RGS9: variants seen among roughly 807,000 people sequenced by gnomAD.
RGS9 encodes regulator of G protein signaling 9.
A neutral mutation model predicts 102.0 loss-of-function variants in RGS9; 78 were observed. The ratio of observed to expected loss-of-function variants is 0.76; its 90% CI spans 0.64 to 0.92. RGS9 has a LOEUF of 0.92. RGS9 is among the 40% of genes least tolerant of loss of function. RGS9 has a pLI of 0.00. For missense variants in RGS9, 833 were observed against 866.1 expected (o/e 0.96, Z 0.48); for synonymous variants, 353 against 318.6 (o/e 1.11, Z -1.15).
rs1912584945 is a variant in RGS9, at chr17:65,196,349, T to C, written c.861-777T>C. On this transcript the variant is annotated intron_variant, in intron 12 of 18. Transcript: ENST00000262406. ...TGTGCCTGGTTCTGGTCCTAGCTGC[T>C]ACATCAGTGGGAAAAATGGTGTGAG... 2.0e-5 allele frequency among the ~76,000 whole-genome samples: 3 copies of C among 152,236 alleles called. No homozygotes were observed. In the South Asian group the frequency reaches 6.2e-4, roughly 31 times the overall value.
chr17:65,211,153 C>T (rs1913280290), intron 17 of RGS9, among the ~76,000 whole-genome samples: 1 of 152,226 alleles, frequency 6.6e-6, no homozygotes, highest in South Asian at 2.1e-4. Flanking sequence ...TGAAGCTCCT[C>T]ATCCTATCTC....
At chr17:65,215,516 CT>C (rs1160534660) in intron 17 of RGS9, among the ~76,000 whole-genome samples, 2 of 137,448 alleles carry the variant, frequency 1.5e-5, no homozygotes, top group Non-Finnish European at 3.0e-5. Flanking sequence ...TTCTTTCTTT[CT>C]TTCTTTCTTT....
intron 13 of RGS9, among the ~76,000 whole-genome samples, chr17:65,200,156 T>C (rs777925587): frequency 6.6e-6 from 1 of 151,854 alleles, no homozygotes; most frequent in Non-Finnish European, 1.5e-5. Context: ...CTCAGCCTCC[T>C]GAGTAGCTGG....
At chr17:65,192,646 A>G (rs1912416122) in intron 11 of RGS9, among the ~76,000 whole-genome samples, 1 of 152,030 alleles carries the variant, frequency 6.6e-6, no homozygotes, top group Non-Finnish European at 1.5e-5. Flanking sequence ...AATTACAGCT[A>G]GATAGTGTTC....
At chr17:65,189,471 G>A (rs1464389163) in intron 10 of RGS9, among the ~76,000 whole-genome samples, 156 bp downstream of exon 10, 1 of 152,216 alleles carries the variant, frequency 6.6e-6, no homozygotes, top group African/African-American at 2.4e-5. Flanking sequence ...GAGTGACGAA[G>A]CATCTTCTGT....
chr17:65,223,878 G>A lies in RGS9; in HGVS notation c.1408-1124G>A, dbSNP rs530567725. On this transcript the variant is annotated intron_variant, in intron 17 of 18. Transcript: ENST00000262406. ...TGATCCTCCTGCCTCAGCCTCCTGA[G>A]TAGCTGGGATTACAGGCACCCACCA... Among the ~76,000 whole-genome samples, 101 of 151,870 alleles carry A rather than the reference G, an allele frequency of 6.7e-4. 1 individual carries two copies. Among genetic ancestry groups the A allele is most frequent in the South Asian group, 2.3e-3 (11 of 4,810 alleles).
At chr17:65,172,738 C>A (rs1221001431) in intron 8 of RGS9, among the ~76,000 whole-genome samples, 1 of 151,904 alleles carries the variant, frequency 6.6e-6, no homozygotes, top group Non-Finnish European at 1.5e-5. Context: ...GAGTAACAAG[C>A]AGAATGCCAT....
chr17:65,182,496 C>A (rs549705613), intron 9 of RGS9, among the ~76,000 whole-genome samples: 37 of 152,386 alleles, frequency 2.4e-4, no homozygotes, highest in Non-Finnish European at 4.9e-4. Flanking sequence ...AAGCCAGGAT[C>A]TGAACCTCAG....
chr17:65,186,873 C>T (rs1489907462), intron 9 of RGS9, among the ~76,000 whole-genome samples: 1 of 152,160 alleles, frequency 6.6e-6, no homozygotes. Context: ...GTACAGCTCC[C>T]CCTTTGAGCA....
intron 11 of RGS9, among the ~76,000 whole-genome samples, chr17:65,191,284 T>C (rs1912355100): frequency 6.6e-6 from 1 of 152,188 alleles, no homozygotes; most frequent in African/African-American, 2.4e-5. Flanking sequence ...AGGATAGTTC[T>C]TAGACCCAGT....
chr17:65,160,399 G>T lies in RGS9; in HGVS notation c.312+60G>T. 1.9e-6 allele frequency: 3 copies of T among 1,561,640 alleles called. No homozygotes were observed. In the South Asian group the frequency reaches 3.3e-5, roughly 17 times the overall value. On this transcript the variant is annotated intron_variant, in intron 4 of 18. Coordinates refer to ENST00000262406, the MANE Select transcript of RGS9 (RefSeq NM_003835.4). ...GGGTTGATCTCATTTGAAAAGGTGG[G>T]GTTCATAGTTTCACAGATCAAGGAC...
At chr17:65,224,751 T>C (rs1294494060) in intron 17 of RGS9, among the ~76,000 whole-genome samples, 1 of 152,096 alleles carries the variant, frequency 6.6e-6, no homozygotes, top group African/African-American at 2.4e-5. Flanking sequence ...TGTCCCGGGA[T>C]ACAACTGCTT....
At chr17:65,154,771 A>T (rs1056498951) in intron 2 of RGS9, among the ~76,000 whole-genome samples, 48 of 152,276 alleles carry the variant, frequency 3.2e-4, no homozygotes, top group Admixed American at 2.6e-3. Flanking sequence ...CAGTAAAGAC[A>T]ATGTTTCATA....
At chr17:65,197,041 T>C (rs1269510309) in intron 12 of RGS9, 85 bp from the exon 13 acceptor site, 20 of 837,436 alleles carry the variant, frequency 2.4e-5, no homozygotes, top group Non-Finnish European at 2.6e-5. Context: ...CCCTGGGCCA[T>C]GAGACTAAAG....
At chr17:65,144,148 T>C (rs999138217) in intron 1 of RGS9, among the ~76,000 whole-genome samples, 2 of 152,106 alleles carry the variant, frequency 1.3e-5, no homozygotes, top group African/African-American at 4.8e-5. Flanking sequence ...CTGGACTCTG[T>C]GTGGCCAGGC....
chr17:65,209,643 T>G (rs1166586235), intron 16 of RGS9, among the ~76,000 whole-genome samples: 1 of 152,326 alleles, frequency 6.6e-6, no homozygotes, highest in East Asian at 1.9e-4. Context: ...TTCTGGCATG[T>G]GTCAAGATAT....
At chr17:65,202,537 C>T (rs547944702) in intron 14 of RGS9, among the ~76,000 whole-genome samples, 1 of 151,882 alleles carries the variant, frequency 6.6e-6, no homozygotes, top group East Asian at 1.9e-4. Flanking sequence ...ATGTGAGGAA[C>T]ACAGGGGAAG....
chr17:65,202,444 TGA>T (rs1555616144), intron 14 of RGS9, among the ~76,000 whole-genome samples: 9,109 of 131,020 alleles, frequency 0.07, 313 homozygotes, highest in Middle Eastern at 0.1. Context: ...TGTGTGTGTG[TGA>T]GAGAGAGAGA....
rs767306639 is a variant in RGS9 at position 65,225,141 on chromosome 17, G to A, written c.1547G>A (p.Arg516Gln). The A allele has an allele frequency of 2.0e-5, 33 of 1,613,492 alleles. No individual in the cohort carries two copies. The African/African-American group carries it at 2.7e-4, about 13-fold the overall frequency. ...GCCTCACCCAGCCGCTTCATCCGGCGACCCAGCACCACCATCTGCCCCTCA... is the reference window on the plus strand; with the variant it reads ...GCCTCACCCAGCCGCTTCATCCGGCAACCCAGCACCACCATCTGCCCCTCA... ...PFASPSRFIR[R>Q]PSTTICPSPI... The change falls in exon 18 of 19, where the codon CGA (arginine) becomes CAA (glutamine). Residue 516 changes from arginine (R) to glutamine (Q), a missense_variant. Physicochemically the swap from Arg to Gln is conservative, Grantham distance 43. Coordinates refer to ENST00000262406, the MANE Select transcript of RGS9 (RefSeq NM_003835.4).
Sources: gnomAD v4.1 joint callset for allele counts (sites outside exome capture counted in the v4.1 genomes callset) on GRCh38, gnomAD v4.1.1 for gene constraint, MANE v1.5 for transcripts, NCBI Gene and HGNC (gene_info 2026-07-23, HGNC 2026-07-21) for gene names.